ITPKB: variants seen among roughly 807,000 people sequenced by gnomAD.
ITPKB encodes inositol-trisphosphate 3-kinase B, also known as IP3 3-kinase B.
ITPKB carries 13 observed loss-of-function variants against 69.4 expected under a neutral mutation model. The ratio of observed to expected loss-of-function variants is 0.19; its 90% CI spans 0.12 to 0.30. The LOEUF is 0.30. Among genes scored for constraint, ITPKB ranks in the 10% least tolerant of loss-of-function variants. ITPKB has a pLI of 1.00. For missense variants in ITPKB, 1,240 were observed against 1,250.5 expected, an observed-to-expected ratio of 0.99 and a Z score of 0.13; for synonymous variants, 584 against 513.7, an observed-to-expected ratio of 1.14 and a Z score of -1.85.
At position 226,737,568 on chromosome 1, in the gene ITPKB, C is replaced by A; in HGVS notation, c.-110G>T. The stretch of plus-strand genomic sequence containing the variant: ...AGCCCCGGAGGCCCGGCAGCCGCGG[C>A]TCCGCGCGCAGATGGGGCGGCATGG... On this transcript the variant is annotated 5_prime_UTR_variant, in exon 2 of 8. Coordinates refer to ENST00000429204, the MANE Select transcript of ITPKB (RefSeq NM_002221.4). 1 of 1,214,768 alleles carries A rather than the reference C, an allele frequency of 8.2e-7. No individual in the cohort carries two copies. Among genetic ancestry groups the A allele is most frequent in the South Asian group, 4.0e-5 (1 of 25,252 alleles). The allele number at this position is 1,214,768 out of a possible 1,614,324, so 75.2% of individuals were successfully genotyped here. A position where few individuals can be genotyped will look rare whatever the true frequency, so the allele number is the denominator to read the frequency against.
intron 2 of ITPKB, among the ~76,000 whole-genome samples, chr1:226,649,351 G>A (rs1558302553): frequency 9.8e-6 from 1 of 101,818 alleles, no homozygotes; most frequent in Non-Finnish European, 1.7e-5. Flanking sequence ...GTGCATATGT[G>A]ATATATGTGC....
intron 2 of ITPKB, among the ~76,000 whole-genome samples, chr1:226,704,860 A>C (rs922755819): frequency 3.9e-5 from 6 of 152,266 alleles, no homozygotes; most frequent in Admixed American, 1.3e-4. Flanking sequence ...TTAAAGTCAG[A>C]GGCTCCTTTG....
At chr1:226,712,719 G>A (rs374735226) in intron 2 of ITPKB, among the ~76,000 whole-genome samples, 17 of 152,308 alleles carry the variant, frequency 1.1e-4, no homozygotes, top group East Asian at 7.7e-4. Context: ...ATCTGGTCCT[G>A]TGTTTCCTGC....
At chr1:226,689,820 T>C (rs1226368243) in intron 2 of ITPKB, among the ~76,000 whole-genome samples, 1 of 152,168 alleles carries the variant, frequency 6.6e-6, no homozygotes, top group Non-Finnish European at 1.5e-5. Context: ...CCTCTATGTG[T>C]CCATGTGTTC....
At chr1:226,700,962 T>C (rs973816947) in intron 2 of ITPKB, among the ~76,000 whole-genome samples, 1 of 152,246 alleles carries the variant, frequency 6.6e-6, no homozygotes, top group Admixed American at 6.5e-5. Context: ...TTAGATTACG[T>C]AGAGCACTAC....
chr1:226,673,067 A>G (rs191858148), intron 2 of ITPKB, among the ~76,000 whole-genome samples: 2 of 152,096 alleles, frequency 1.3e-5, no homozygotes, highest in African/African-American at 2.4e-5. Context: ...AATCTTCTGG[A>G]TATTCCCATT....
At chr1:226,725,457 A>G (rs1033300019) in intron 2 of ITPKB, among the ~76,000 whole-genome samples, 5 of 152,228 alleles carry the variant, frequency 3.3e-5, no homozygotes, top group African/African-American at 1.2e-4. Context: ...ACTGAATGTA[A>G]TATCTGCTCA....
chr1:226,723,527 C>CCA (rs1236031867), intron 2 of ITPKB, among the ~76,000 whole-genome samples: 2 of 151,966 alleles, frequency 1.3e-5, no homozygotes, highest in Non-Finnish European at 2.9e-5. Flanking sequence ...GTAAGAAAAG[C>CCA]CACACCGATA....
intron 2 of ITPKB, among the ~76,000 whole-genome samples, chr1:226,702,123 C>A (rs835663): frequency 0.33 from 49,620 of 151,942 alleles, 8,313 homozygotes; most frequent in East Asian, 0.42. Context: ...TGGCCCGGCA[C>A]GGTGGTTCAT....
At chr1:226,682,332 C>T (rs574323465) in intron 2 of ITPKB, among the ~76,000 whole-genome samples, 1 of 152,330 alleles carries the variant, frequency 6.6e-6, no homozygotes, top group East Asian at 1.9e-4. Context: ...TAACATTCAG[C>T]AGGTCATTCA....
intron 4 of ITPKB, among the ~76,000 whole-genome samples, chr1:226,646,816 C>T (rs766750351): frequency 3.0e-4 from 45 of 152,182 alleles, no homozygotes; most frequent in Non-Finnish European, 5.7e-4. Flanking sequence ...GACCTCCCTA[C>T]CTGGTGGCTC....
At chr1:226,653,300 C>T (rs1669230536) in intron 2 of ITPKB, among the ~76,000 whole-genome samples, 1 of 152,224 alleles carries the variant, frequency 6.6e-6, no homozygotes, top group Non-Finnish European at 1.5e-5. Context: ...GAGGGCCCAC[C>T]TCCGAGTGCC....
intron 2 of ITPKB, chr1:226,707,448 T>C: frequency 1.3e-6 from 1 of 758,198 alleles, no homozygotes; most frequent in South Asian, 6.0e-5. Context: ...CCGCCCGCCT[T>C]GGCCTCCTAA....
At chr1:226,705,184 G>T (rs766902204) in intron 2 of ITPKB, among the ~76,000 whole-genome samples, 3 of 152,142 alleles carry the variant, frequency 2.0e-5, no homozygotes, top group Non-Finnish European at 4.4e-5. Flanking sequence ...TCACATTTTT[G>T]ATGTGAGAAC....
intron 2 of ITPKB, among the ~76,000 whole-genome samples, chr1:226,692,053 G>A (rs1342741733): frequency 6.6e-6 from 1 of 152,188 alleles, no homozygotes; most frequent in Non-Finnish European, 1.5e-5. Flanking sequence ...ACGCCTGGGA[G>A]GGAATCAGTA....
At position 226,633,878 on chromosome 1, in the gene ITPKB, C is replaced by A. The variant is rs1668773004; in HGVS notation, c.*793G>T. On this transcript the variant is annotated 3_prime_UTR_variant, in exon 8 of 8. Transcript: ENST00000429204. ...TAGATCCCATCTTCCCCTGGTAGCA[C>A]CCTTGGAGCTCAGCATGGCAGAGTG... The A allele has an allele frequency of 6.6e-6, 1 of 152,270 alleles. No homozygotes were observed. The highest frequency in any genetic ancestry group is 6.5e-5 in the Admixed American group (1 of 15,284). The allele number at this position is 152,270 out of a possible 1,614,324, so 9.4% of individuals were successfully genotyped here.
Position 226,739,051 on chromosome 1 carries a change from TCA to T in ITPKB, c.-218_-217del, listed in dbSNP as rs1657911051. 6.6e-6 allele frequency: 1 copy of T among 152,208 alleles called. No homozygotes were observed. Among genetic ancestry groups the T allele is most frequent in the Non-Finnish European group, 1.5e-5 (1 of 68,054 alleles). 9.4% of individuals were successfully genotyped at this position (152,208 alleles called of 1,614,324 possible). On this transcript the variant is annotated 5_prime_UTR_variant, in exon 1 of 8. Transcript: ENST00000429204. Reference sequence around the variant, plus strand: ...GGCCGCCAAACTTACCTGCAGTTTCTCAGATTCTCAGGTCCTGTGTAGACTAC... The same window carrying T: ...GGCCGCCAAACTTACCTGCAGTTTCTGATTCTCAGGTCCTGTGTAGACTAC...
intron 2 of ITPKB, among the ~76,000 whole-genome samples, chr1:226,727,353 T>C (rs1389291150): frequency 5.3e-5 from 8 of 152,042 alleles, no homozygotes; most frequent in Admixed American, 3.3e-4. Context: ...GTCAGTGAAA[T>C]TGGAAAAAAC....
chr1:226,687,381 G>A (rs1254924798), intron 2 of ITPKB, among the ~76,000 whole-genome samples: 1 of 152,096 alleles, frequency 6.6e-6, no homozygotes, highest in Admixed American at 6.5e-5. Context: ...ACCAAAAGTG[G>A]GCCTTAAAGG....
Sources: gnomAD v4.1 joint callset for allele counts (sites outside exome capture counted in the v4.1 genomes callset) on GRCh38, gnomAD v4.1.1 for gene constraint, MANE v1.5 for transcripts, NCBI Gene and HGNC (gene_info 2026-07-23, HGNC 2026-07-21) for gene names.